Variants in LRIG1 observed in about 807,000 individuals in gnomAD.
LRIG1 encodes the protein leucine-rich repeats and immunoglobulin-like domains protein 1.
In LRIG1, 48 loss-of-function variants were observed where a neutral mutation model predicts 99.2. The ratio of observed to expected loss-of-function variants is 0.48; its 90% CI spans 0.38 to 0.62. The LOEUF is 0.62. LRIG1 is among the 20% of genes least tolerant of loss of function. The probability of loss-of-function intolerance (pLI) is 0.00; values close to 1 mark genes in which losing one functional copy is unlikely to be tolerated. For synonymous variants in LRIG1, 772 were observed against 596.1 expected (o/e 1.29, Z -4.30); for missense variants, 1,646 against 1,434.4 (o/e 1.15, Z -2.38).
At chr3:66,457,052 C>T (rs1384614873) in intron 2 of LRIG1, among the ~76,000 whole-genome samples, 3 of 152,104 alleles carry the variant, frequency 2.0e-5, no homozygotes, top group South Asian at 2.1e-4. Context: ...TCTCTCCAGC[C>T]GGCCCATGAT....
At chr3:66,424,210 T>A (rs375509671) in intron 3 of LRIG1, among the ~76,000 whole-genome samples, 1 of 152,052 alleles carries the variant, frequency 6.6e-6, no homozygotes, top group Admixed American at 6.5e-5. Context: ...TCTGACAGAT[T>A]CCCCAGCATC....
chr3:66,472,179 C>CT (rs1700612312), intron 1 of LRIG1, among the ~76,000 whole-genome samples: 1 of 151,752 alleles, frequency 6.6e-6, no homozygotes, highest in Admixed American at 6.6e-5. Context: ...TGGTGGGCGC[C>CT]TGTAGTCCCA....
At chr3:66,403,557 G>A (rs1019714067) in intron 9 of LRIG1, among the ~76,000 whole-genome samples, 6 of 152,176 alleles carry the variant, frequency 3.9e-5, no homozygotes, top group African/African-American at 9.7e-5. Flanking sequence ...ACCTCTTGGG[G>A]CTCAGGTGGA....
At chr3:66,472,076 A>G (rs1001989440) in intron 1 of LRIG1, among the ~76,000 whole-genome samples, 1 of 152,076 alleles carries the variant, frequency 6.6e-6, no homozygotes, top group African/African-American at 2.4e-5. Context: ...AGGCCAAGGC[A>G]GGCAGACCAT....
intron 3 of LRIG1, among the ~76,000 whole-genome samples, chr3:66,421,730 G>A (rs1181697215): frequency 6.6e-6 from 1 of 152,206 alleles, no homozygotes; most frequent in East Asian, 1.9e-4. Context: ...TAGGGACTCT[G>A]TGTGGGGGAT....
chr3:66,440,112 T>G (rs1392275980), intron 3 of LRIG1, among the ~76,000 whole-genome samples: 1 of 152,102 alleles, frequency 6.6e-6, no homozygotes, highest in Non-Finnish European at 1.5e-5. Flanking sequence ...GAACAATGCC[T>G]TTCAGTTGCA....
intron 1 of LRIG1, among the ~76,000 whole-genome samples, chr3:66,487,599 C>A (rs1332287218): frequency 6.6e-6 from 1 of 152,162 alleles, no homozygotes; most frequent in South Asian, 2.1e-4. Flanking sequence ...CACACACACA[C>A]ATACACACAT....
At chr3:66,439,631 TAGAATA>T (rs1375353095) in intron 3 of LRIG1, among the ~76,000 whole-genome samples, 7 of 152,120 alleles carry the variant, frequency 4.6e-5, no homozygotes, top group African/African-American at 7.2e-5. Flanking sequence ...TTAAGGAGCT[TAGAATA>T]AGTCAGTTTT....
At chr3:66,408,465 C>T (rs894142882) in intron 7 of LRIG1, among the ~76,000 whole-genome samples, 1 of 152,168 alleles carries the variant, frequency 6.6e-6, no homozygotes, top group Non-Finnish European at 1.5e-5. Flanking sequence ...ACTGCTCAAG[C>T]GCACTTCTGT....
chr3:66,450,568 C>T (rs1055013030), intron 3 of LRIG1, among the ~76,000 whole-genome samples: 3 of 152,192 alleles, frequency 2.0e-5, no homozygotes, highest in Non-Finnish European at 2.9e-5. Context: ...ACAGCACCTC[C>T]TGAACACAGG....
Position 66,383,948 on chromosome 3 carries a change from TCACACA to T in LRIG1, c.2071+37_2071+42del, listed in dbSNP as rs3830215. The T allele has an allele frequency of 2.1e-4, 320 of 1,521,564 alleles. 1 individual carries two copies. The highest frequency in any genetic ancestry group is 7.0e-4 in the South Asian group (58 of 83,228). 94.3% of individuals were successfully genotyped at this position (1,521,564 alleles called of 1,614,324 possible). A position where few individuals can be genotyped will look rare whatever the true frequency, so the allele number is the denominator to read the frequency against. Reference sequence around the variant, plus strand: ...GCATTTGAGAGTCTCTCTCTCTCGCTCACACACACACACACACACACACAGTAGAGC... The same window carrying T: ...GCATTTGAGAGTCTCTCTCTCTCGCTCACACACACACACACACAGTAGAGC... On this transcript the variant is annotated intron_variant, in intron 14 of 18. Transcript: ENST00000273261.
chr3:66,478,222 T>C (rs1373755727), intron 1 of LRIG1, among the ~76,000 whole-genome samples: 1 of 152,212 alleles, frequency 6.6e-6, no homozygotes, highest in Non-Finnish European at 1.5e-5. Flanking sequence ...ACGTTTTTGC[T>C]TTTAATACAC....
intron 8 of LRIG1, chr3:66,406,347 G>A: frequency 1.0e-6 from 1 of 985,616 alleles, no homozygotes; most frequent in Non-Finnish European, 1.2e-6. Context: ...AGCCCTGGCT[G>A]CCAAAGTTTT....
intron 1 of LRIG1, among the ~76,000 whole-genome samples, chr3:66,463,700 C>G (rs1205519844): frequency 6.6e-6 from 1 of 152,236 alleles, no homozygotes; most frequent in Non-Finnish European, 1.5e-5. Flanking sequence ...TAATTCCACT[C>G]ACACTACTGC....
At chr3:66,439,642 A>C (rs934371057) in intron 3 of LRIG1, among the ~76,000 whole-genome samples, 1 of 152,126 alleles carries the variant, frequency 6.6e-6, no homozygotes, top group African/African-American at 2.4e-5. Flanking sequence ...AGAATAAGTC[A>C]GTTTTGCCTA....
At chr3:66,462,365 G>A (rs1700374130) in intron 2 of LRIG1, 73 bp downstream of exon 2, 2 of 1,071,964 alleles carry the variant, frequency 1.9e-6, no homozygotes, top group African/African-American at 1.6e-5. Context: ...AGTGAGCGAT[G>A]CTGCAATACA....
intron 3 of LRIG1, among the ~76,000 whole-genome samples, chr3:66,443,614 C>T (rs1703620809): frequency 6.6e-6 from 1 of 152,190 alleles, no homozygotes. Flanking sequence ...CAGTGAGGTG[C>T]CCCTTAGACA....
chr3:66,417,306 T>C, intron 3 of LRIG1, 40 bp from the exon 4 acceptor site: 1 of 1,596,154 alleles, frequency 6.3e-7, no homozygotes, highest in Non-Finnish European at 8.6e-7. Flanking sequence ...CATCTCTTTT[T>C]GCAAAGTAAC....
chr3:66,450,756 G>A (rs1465319024), intron 3 of LRIG1, among the ~76,000 whole-genome samples: 1 of 152,200 alleles, frequency 6.6e-6, no homozygotes, highest in Non-Finnish European at 1.5e-5. Context: ...AACTATGAAA[G>A]CCTGGAGTGG....
Sources: gnomAD v4.1 joint callset for allele counts (sites outside exome capture counted in the v4.1 genomes callset) on GRCh38, gnomAD v4.1.1 for gene constraint, MANE v1.5 for transcripts, NCBI Gene and HGNC (gene_info 2026-07-23, HGNC 2026-07-21) for gene names.